The following CLCN7 variants were observed in gnomAD, a reference collection of about 807,000 sequenced individuals.
CLCN7 encodes Cl-/H+ antiporter 7.
In CLCN7, 60 loss-of-function variants were observed where a neutral mutation model predicts 102.1. That is an observed-to-expected ratio of 0.59 (90% CI 0.48 to 0.73). The LOEUF (loss-of-function observed/expected upper bound fraction) is 0.73, where lower values mean the gene tolerates loss of function less well. Among genes scored for constraint, CLCN7 ranks in the 30% least tolerant of loss-of-function variants. The pLI, the probability that CLCN7 is intolerant of heterozygous loss-of-function variation, is 0.00. For synonymous variants in CLCN7, 560 were observed against 490.5 expected, an observed-to-expected ratio of 1.14 and a Z score of -1.87; for missense variants, 962 against 1,125.7, an observed-to-expected ratio of 0.85 and a Z score of 2.08.
intron 15 of CLCN7, 62 bp from the exon 16 acceptor site, chr16:1,451,778 A>T (rs1316417074): frequency 1.2e-5 from 17 of 1,398,708 alleles, no homozygotes; most frequent in Admixed American, 3.6e-5. Flanking sequence ...TGCAGGCACA[A>T]ACCTGGTGTC....
chr16:1,474,823 C>T lies in CLCN7; in HGVS notation c.141+11G>A, dbSNP rs1225127703. 6 of 1,334,734 alleles carry T rather than the reference C, an allele frequency of 4.5e-6. No individual in the cohort carries two copies. The highest frequency in any genetic ancestry group is 5.8e-6 in the Non-Finnish European group (6 of 1,042,554). 82.7% of individuals were successfully genotyped at this position (1,334,734 alleles called of 1,614,324 possible). The stretch of plus-strand genomic sequence containing the variant: ...GCTCAGTTTCCCCGCCTGCGCCCTG[C>T]CCGGCCTCACCTGGCGCGCAGCCCC... On this transcript the variant is annotated intron_variant, in intron 1 of 24. Transcript: ENST00000382745.
In CLCN7 at chr16:1,447,401, C is replaced by T. The variant is rs1381739391; in HGVS notation, c.2241G>A (p.Thr747=). 1.2e-5 allele frequency: 18 copies of T among 1,549,068 alleles called. No individual in the cohort carries two copies. Among genetic ancestry groups the T allele is most frequent in the Admixed American group, 2.0e-5 (1 of 51,114 alleles). Residue 747 remains threonine, a synonymous_variant, in exon 23 of 25, where the codon ACG becomes ACA. Coordinates refer to ENST00000382745, the MANE Select transcript of CLCN7 (RefSeq NM_001287.6). ...LSEFMNPSPY[T]VPQEASLPRV... is the part of the protein sequence containing the mutation. ...CATGCCCTGCACATGCCTGGGGCAC[C>T]GTGTAGGGGGAGGGGTTCATGAACT...
At chr16:1,463,796 G>A (rs1234796498) in intron 2 of CLCN7, among the ~76,000 whole-genome samples, 1 of 150,696 alleles carries the variant, frequency 6.6e-6, no homozygotes, top group African/African-American at 2.5e-5. Flanking sequence ...AAAATTTGAG[G>A]CAGGATCTCA....
At chr16:1,446,926 C>T (rs891436303) in intron 24 of CLCN7, 80 bp downstream of exon 24, 106 of 1,352,062 alleles carry the variant, frequency 7.8e-5, no homozygotes, top group Middle Eastern at 1.8e-4. Flanking sequence ...TGTCCCCTGC[C>T]GGGAGCTGAG....
intron 24 of CLCN7, 33 bp downstream of exon 24, chr16:1,446,973 C>T (rs1385756010): frequency 1.0e-5 from 16 of 1,538,208 alleles, no homozygotes; most frequent in Middle Eastern, 1.7e-4. Flanking sequence ...GAGCCCTGCA[C>T]GGCATGCCTG....
In CLCN7 at chr16:1,449,262, G is replaced by C; in HGVS notation, c.1669+14C>G. The C allele has an allele frequency of 1.3e-6, 2 of 1,580,602 alleles. No homozygotes were observed. The highest frequency in any genetic ancestry group is 1.7e-6 in the Non-Finnish European group (2 of 1,163,834). On this transcript the variant is annotated intron_variant, in intron 18 of 24. Coordinates refer to ENST00000382745, the MANE Select transcript of CLCN7 (RefSeq NM_001287.6). Reference sequence around the variant, plus strand: ...GTGGAGCTCCCCACCCATCGGGCAAGAGCTGGGACATACCCAGCTGGGCAG... The same window carrying C: ...GTGGAGCTCCCCACCCATCGGGCAACAGCTGGGACATACCCAGCTGGGCAG...
intron 7 of CLCN7, among the ~76,000 whole-genome samples, chr16:1,458,774 C>T (rs2038878665): frequency 6.6e-6 from 1 of 152,204 alleles, no homozygotes; most frequent in Admixed American, 6.5e-5. Flanking sequence ...CTGCTACACG[C>T]CCACTACCAC....
chr16:1,464,634 T>C (rs1354071262), intron 2 of CLCN7, among the ~76,000 whole-genome samples: 1 of 152,190 alleles, frequency 6.6e-6, no homozygotes, highest in Non-Finnish European at 1.5e-5. Flanking sequence ...GCCTCTGACG[T>C]GGCCCAGGGC....
intron 12 of CLCN7, among the ~76,000 whole-genome samples, chr16:1,454,861 C>G (rs954804551): frequency 3.3e-5 from 5 of 152,322 alleles, no homozygotes; most frequent in Admixed American, 2.0e-4. Flanking sequence ...AGAGCGGCTG[C>G]TGCACGTGCC....
At chr16:1,455,685 C>T (rs768175474) in intron 11 of CLCN7, 46 bp downstream of exon 11, 39 of 1,592,936 alleles carry the variant, frequency 2.4e-5, no homozygotes, top group African/African-American at 2.7e-5. Flanking sequence ...GAAATGAGAG[C>T]GCAGCATGCA....
At chr16:1,451,238 C>T (rs1232022002) in intron 16 of CLCN7, among the ~76,000 whole-genome samples, 2 of 152,166 alleles carry the variant, frequency 1.3e-5, no homozygotes, top group African/African-American at 2.4e-5. Context: ...GAGAGGGTCT[C>T]GCTGTGTCAC....
rs549589432 is a variant in CLCN7, at chr16:1,460,781, C to A, written c.484+35G>T. 4 of 1,613,564 alleles carry A rather than the reference C, an allele frequency of 2.5e-6. No individual in the cohort carries two copies. The African/African-American group carries it at 5.3e-5, about 22-fold the overall frequency. On this transcript the variant is annotated intron_variant, in intron 5 of 24. Coordinates refer to ENST00000382745, the MANE Select transcript of CLCN7 (RefSeq NM_001287.6). ...GGGACTCGGCCCAGGCCACGCCCCC[C>A]TCCCAAGCTGCAGCGGCCGCACTGG...
intron 21 of CLCN7, among the ~76,000 whole-genome samples, chr16:1,447,923 G>A (rs1567263824): frequency 6.6e-6 from 1 of 152,222 alleles, no homozygotes; most frequent in Non-Finnish European, 1.5e-5. Flanking sequence ...ACAGGGTAGC[G>A]GGGCCTGACC....
In CLCN7 at chr16:1,461,639, G is replaced by C; in HGVS notation, c.249C>G (p.Ile83Met). 5 of 1,614,128 alleles carry C rather than the reference G, an allele frequency of 3.1e-6. No individual in the cohort carries two copies. Among genetic ancestry groups the C allele is most frequent in the Non-Finnish European group, 4.2e-6 (5 of 1,180,012 alleles). ...GGGACAGGAGCTTCTCGTTGTGTGG[G>C]ATCTCCTTGGGGAAGGGATGTGGAG... ...MDPPHPFPKE[I>M]PHNEKLLSLK... The change falls in exon 3 of 25, where the codon ATC becomes ATG. Residue 83 changes from isoleucine (I) to methionine (M), a missense_variant. This residue lies in a region of CLCN7 where 163 missense variants were observed against 137.7 expected (regional missense o/e 1.18). Coordinates refer to ENST00000382745, the MANE Select transcript of CLCN7 (RefSeq NM_001287.6).
At chr16:1,447,266 C>A (rs1209027550) in intron 23 of CLCN7, 126 bp downstream of exon 23, 14 of 1,215,330 alleles carry the variant, frequency 1.2e-5, no homozygotes, top group Non-Finnish European at 1.6e-5. Context: ...AGGCCCTTCA[C>A]AGGAGACAGA....
rs111455060 is a variant in CLCN7, at chr16:1,464,824, T to A, written c.213+443A>T. Among the ~76,000 whole-genome samples the A allele has an allele frequency of 2.1e-3, 323 of 152,256 alleles. 2 individuals are homozygous for A. Among genetic ancestry groups the A allele is most frequent in the African/African-American group, 7.4e-3 (308 of 41,544 alleles). ...GGGAAAAACCGAGGCCGGCGGGAGA[T>A]GCCCCCGAGGGGAAGGAAGACGAGC... On this transcript the variant is annotated intron_variant, in intron 2 of 24. Coordinates refer to ENST00000382745, the MANE Select transcript of CLCN7 (RefSeq NM_001287.6).
chr16:1,457,780 C>T lies in CLCN7; in HGVS notation c.676-24G>A, dbSNP rs769251024. On this transcript the variant is annotated intron_variant, in intron 7 of 24. Coordinates refer to ENST00000382745, the MANE Select transcript of CLCN7 (RefSeq NM_001287.6). This position sits in a 1 kb window ranked among gnomAD's most constrained non-coding sequence, Gnocchi z 5.4. ...GTCTGAAACACAGGGAGACGCATGG[C>T]CTCTGATGAAAAGGCAGGCGCTGTC... is the stretch of plus-strand genomic sequence containing the variant. The T allele has an allele frequency of 7.5e-6, 12 of 1,610,050 alleles. No homozygotes were observed. Among genetic ancestry groups the T allele is most frequent in the Non-Finnish European group, 2.5e-6 (3 of 1,176,844 alleles).
chr16:1,465,382 G>T, intron 1 of CLCN7, 44 bp from the exon 2 acceptor site: 1 of 1,539,674 alleles, frequency 6.5e-7, no homozygotes, highest in Admixed American at 1.8e-5. Context: ...GGCGTCGCAC[G>T]CTCTGCTCCG....
rs114394337 is a variant in CLCN7, at chr16:1,452,734, C to T, written c.1353+21G>A. 4.7e-3 allele frequency: 7,461 copies of T among 1,572,988 alleles called. 320 individuals carry two copies. The African/African-American group carries it at 0.09, about 19-fold the overall frequency. The stretch of plus-strand genomic sequence containing the variant: ...TGTGGCTGCCCTGCCTGCTGGACCC[C>T]GCCCGGGCCCAGCCTCCCACCTGCA... On this transcript the variant is annotated intron_variant, in intron 15 of 24. Transcript: ENST00000382745.
Sources: allele counts gnomAD v4.1 joint callset (sites outside exome capture counted in the v4.1 genomes callset), GRCh38; gene constraint gnomAD v4.1.1; regional missense constraint gnomAD v4.1.1; non-coding constraint Gnocchi (gnomAD v3.1); transcripts MANE v1.5; gene names NCBI Gene and HGNC (gene_info 2026-07-23, HGNC 2026-07-21).